The following SRRM4 variants were observed in gnomAD, a reference collection of about 807,000 sequenced individuals.
SRRM4 encodes serine/arginine repetitive matrix protein 4.
In SRRM4, 33 loss-of-function variants were observed where a neutral mutation model predicts 68.9. The ratio of observed to expected loss-of-function variants is 0.48; its 90% confidence interval spans 0.36 to 0.64. The LOEUF is 0.64. Among genes scored for constraint, SRRM4 ranks in the 30% least tolerant of loss-of-function variants. SRRM4 has a pLI of 0.00. For missense variants in SRRM4, 817 were observed against 827.1 expected (o/e 0.99, Z 0.15); for synonymous variants, 318 against 318.8 (o/e 1.00, Z 0.03).
At position 119,067,031 on chromosome 12, in the gene SRRM4, T is replaced by C. The variant is rs372747986; in HGVS notation, c.132-35205T>C. Among the ~76,000 whole-genome samples the C allele has an allele frequency of 9.2e-5, 14 of 152,336 alleles. No homozygotes were observed. The South Asian group carries it at 2.9e-3, about 32-fold the overall frequency. ...TTCTCTCAGGTAAAGTCTAATGACC[T>C]ATGCATGGCCTCCAGGCTCTGCCCT... is the stretch of plus-strand genomic sequence containing the variant. On this transcript the variant is annotated intron_variant, in intron 1 of 12. Coordinates refer to ENST00000267260, the MANE Select transcript of SRRM4 (RefSeq NM_194286.4).
chr12:119,117,461 T>C (rs1043422643), intron 4 of SRRM4, among the ~76,000 whole-genome samples: 3 of 152,184 alleles, frequency 2.0e-5, no homozygotes, highest in Non-Finnish European at 4.4e-5. Context: ...CTCTTGTCAG[T>C]CCATTGCATG....
At chr12:119,144,477 C>G (rs1422584160) in intron 8 of SRRM4, 5 of 152,138 alleles carry the variant, frequency 3.3e-5, no homozygotes, top group African/African-American at 1.2e-4. Context: ...AATTGCGACT[C>G]TAATGATGGA....
intron 4 of SRRM4, among the ~76,000 whole-genome samples, chr12:119,118,982 T>C (rs1472679859): frequency 6.6e-6 from 1 of 151,970 alleles, no homozygotes; most frequent in African/African-American, 2.4e-5. Flanking sequence ...CTCCAGGCTC[T>C]TGAAATGTTT....
At chr12:119,110,154 G>A (rs1163677555) in intron 2 of SRRM4, among the ~76,000 whole-genome samples, 1 of 152,182 alleles carries the variant, frequency 6.6e-6, no homozygotes, top group Non-Finnish European at 1.5e-5. Context: ...ATTGCAGAAT[G>A]GCAAATGTTG....
intron 2 of SRRM4, among the ~76,000 whole-genome samples, chr12:119,106,359 G>A (rs1592899970): frequency 6.6e-6 from 1 of 152,300 alleles, no homozygotes; most frequent in Middle Eastern, 3.4e-3. Context: ...GTCATTGGTA[G>A]CTTGATGGGG....
chr12:119,085,431 C>T (rs1373187379), intron 1 of SRRM4, among the ~76,000 whole-genome samples: 1 of 152,180 alleles, frequency 6.6e-6, no homozygotes, highest in African/African-American at 2.4e-5. Flanking sequence ...AGGCCATGCC[C>T]TTGAGTTTCA....
At chr12:119,132,871 T>C (rs1054951783) in intron 8 of SRRM4, 11 of 152,196 alleles carry the variant, frequency 7.2e-5, no homozygotes, top group African/African-American at 2.7e-4. Context: ...AAACATGGAA[T>C]TATTAATTCG....
At chr12:119,110,607 G>T in intron 2 of SRRM4, among the ~76,000 whole-genome samples, 1 of 152,212 alleles carries the variant, frequency 6.6e-6, no homozygotes, top group Non-Finnish European at 1.5e-5. Flanking sequence ...GGCTCCGTGG[G>T]CATGGGACCA....
At position 118,983,371 on chromosome 12, in the gene SRRM4, A is replaced by G. The variant is rs566603584; in HGVS notation, c.131+1358A>G. The stretch of plus-strand genomic sequence containing the variant: ...CACCAGCCAGTGTTTGCAGACGGGA[A>G]GGAGGGGACACCCACCCACCCACTG... On this transcript the variant is annotated intron_variant, in intron 1 of 12. Transcript: ENST00000267260. 3.3e-5 allele frequency among the ~76,000 whole-genome samples: 5 copies of G among 152,360 alleles called. No homozygotes were observed. In the South Asian group the frequency reaches 1.0e-3, roughly 32 times the overall value.
intron 1 of SRRM4, among the ~76,000 whole-genome samples, chr12:119,052,005 G>A (rs535726024): frequency 5.9e-5 from 9 of 152,194 alleles, no homozygotes; most frequent in Non-Finnish European, 1.2e-4. Flanking sequence ...CTTACCAGTG[G>A]CCACACAGCT....
At chr12:119,111,927 T>G (rs1440468415) in intron 2 of SRRM4, among the ~76,000 whole-genome samples, 16 of 152,086 alleles carry the variant, frequency 1.1e-4, no homozygotes, top group Admixed American at 1.0e-3. Context: ...GGGCCTGTAG[T>G]CCCAGCTACT....
rs180733491 is a variant in SRRM4 at position 119,063,880 on chromosome 12, G to C, written c.132-38356G>C. Among the ~76,000 whole-genome samples, 9 of 152,276 alleles carry C rather than the reference G, an allele frequency of 5.9e-5. No homozygotes were observed. The East Asian group carries it at 1.5e-3, about 26-fold the overall frequency. ...AGAGACAGAAACAGAGAGAGATGGG[G>C]AAATTGAGATCAGTGGAGCCTCTCA... On this transcript the variant is annotated intron_variant, in intron 1 of 12. Transcript: ENST00000267260.
chr12:119,120,653 C>CAGTAT lies in SRRM4; in HGVS notation c.464+378_464+379insGTATA, dbSNP rs1390393452. On this transcript the variant is annotated intron_variant, in intron 5 of 12. Transcript: ENST00000267260. ...GGGCCAAGTCCTCGTATACTGGACACACTGGGTGAACACAAATAGTTATTA... is the reference window on the plus strand; with the variant it reads ...GGGCCAAGTCCTCGTATACTGGACACAGTATACTGGGTGAACACAAATAGTTATTA... Among the ~76,000 whole-genome samples, 6 of 152,360 alleles carry CAGTAT rather than the reference C, an allele frequency of 3.9e-5. No homozygotes were observed. The East Asian group carries it at 1.2e-3, about 29-fold the overall frequency.
chr12:119,129,782 T>A (rs1954282283), intron 7 of SRRM4, among the ~76,000 whole-genome samples: 1 of 152,206 alleles, frequency 6.6e-6, no homozygotes, highest in Non-Finnish European at 1.5e-5. Flanking sequence ...GATAGGTGGA[T>A]GAATGGATGA....
At chr12:119,127,745 A>C (rs557976521) in intron 7 of SRRM4, among the ~76,000 whole-genome samples, 1 of 151,600 alleles carries the variant, frequency 6.6e-6, no homozygotes, top group Non-Finnish European at 1.5e-5. Flanking sequence ...AAAAAAGAAA[A>C]GAAAAGAAAG....
chr12:119,162,687 T>C lies in SRRM4; in HGVS notation c.*5889T>C, dbSNP rs557856645. On this transcript the variant is annotated 3_prime_UTR_variant, in exon 13 of 13. Transcript: ENST00000267260. Reference sequence around the variant, plus strand: ...AATTCTTAGCTATTTCCTCAAGCAATGATTGGCCAAGGACCTAGCATAATC... The same window carrying C: ...AATTCTTAGCTATTTCCTCAAGCAACGATTGGCCAAGGACCTAGCATAATC... 6.6e-6 allele frequency: 1 copy of C among 152,292 alleles called. No homozygotes were observed. Among genetic ancestry groups the C allele is most frequent in the African/African-American group, 2.4e-5 (1 of 41,544 alleles). The allele number at this position is 152,292 out of a possible 1,614,324, so 9.4% of individuals were successfully genotyped here. A position where few individuals can be genotyped will look rare whatever the true frequency, so the allele number is the denominator to read the frequency against.
chr12:119,078,218 G>A (rs1415363532), intron 1 of SRRM4, among the ~76,000 whole-genome samples: 1 of 152,182 alleles, frequency 6.6e-6, no homozygotes, highest in Non-Finnish European at 1.5e-5. Context: ...GAATCATTGA[G>A]GGACTCTATT....
Position 119,145,691 on chromosome 12 carries a change from T to C in SRRM4, c.1076+6T>C, listed in dbSNP as rs779270801. ...AGCAGGGGCAGAGAGTCAAGGTCAG[T>C]GCACCACACAGGGTCGGGGGTAGAC... On this transcript the variant is annotated splice_donor_region_variant and intron_variant, in intron 9 of 12. Transcript: ENST00000267260. The C allele has an allele frequency of 2.0e-6, 3 of 1,509,684 alleles. No individual in the cohort carries two copies. Among genetic ancestry groups the C allele is most frequent in the Non-Finnish European group, 2.7e-6 (3 of 1,129,602 alleles). The allele number at this position is 1,509,684 out of a possible 1,614,324, so 93.5% of individuals were successfully genotyped here.
intron 1 of SRRM4, among the ~76,000 whole-genome samples, chr12:119,002,159 C>CT (rs1193815414): frequency 6.6e-6 from 1 of 151,934 alleles, no homozygotes; most frequent in Non-Finnish European, 1.5e-5. Flanking sequence ...AGACGAAGTG[C>CT]TTAGCCCAGT....
Sources: allele counts gnomAD v4.1 joint callset (sites outside exome capture counted in the v4.1 genomes callset), GRCh38; gene constraint gnomAD v4.1.1; transcripts MANE v1.5; gene names NCBI Gene and HGNC (gene_info 2026-07-23, HGNC 2026-07-21).